The following ZEB1 variants were observed in gnomAD, a reference collection of about 807,000 sequenced individuals.
ZEB1 encodes the protein zinc finger E-box binding homeobox 1.
In ZEB1, 21 loss-of-function variants were observed where a neutral mutation model predicts 84.9. That is an observed-to-expected ratio of 0.25 (90% confidence interval 0.18 to 0.36). ZEB1 has a LOEUF of 0.36. Ranked by LOEUF, ZEB1 falls within the 10% of genes least tolerant of loss-of-function variation. ZEB1 has a pLI of 1.00. For synonymous variants in ZEB1, 420 were observed against 471.1 expected (o/e 0.89, Z 1.41); for missense variants, 1,104 against 1,330.2 (o/e 0.83, Z 2.65).
intron 1 of ZEB1, among the ~76,000 whole-genome samples, chr10:31,334,413 T>C (rs770068274): frequency 2.0e-5 from 3 of 152,232 alleles, no homozygotes; most frequent in Non-Finnish European, 2.9e-5. Context: ...AAGAAAAACT[T>C]GTAATGATAG....
At chr10:31,356,882 C>T (rs973880806) in intron 1 of ZEB1, among the ~76,000 whole-genome samples, 1 of 152,032 alleles carries the variant, frequency 6.6e-6, no homozygotes, top group African/African-American at 2.4e-5. Context: ...CTGATTGTTA[C>T]CCAATATTTC....
intron 1 of ZEB1, among the ~76,000 whole-genome samples, chr10:31,415,957 T>C (rs1435728359): frequency 1.3e-5 from 2 of 152,114 alleles, no homozygotes; most frequent in Non-Finnish European, 2.9e-5. Flanking sequence ...GATATCTAAT[T>C]GTTAATTGAG....
At chr10:31,386,685 A>C (rs2048695093) in intron 1 of ZEB1, among the ~76,000 whole-genome samples, 1 of 152,198 alleles carries the variant, frequency 6.6e-6, no homozygotes, top group African/African-American at 2.4e-5. Context: ...ATTTAACAGA[A>C]TTCAAAGGGC....
At chr10:31,381,245 C>A (rs2047573266) in intron 1 of ZEB1, among the ~76,000 whole-genome samples, 1 of 152,136 alleles carries the variant, frequency 6.6e-6, no homozygotes, top group South Asian at 2.1e-4. Context: ...CTAGAAAAAT[C>A]TACAGCAATC....
intron 1 of ZEB1, among the ~76,000 whole-genome samples, chr10:31,414,965 G>A (rs890677585): frequency 6.6e-5 from 10 of 152,096 alleles, no homozygotes; most frequent in African/African-American, 2.4e-4. Flanking sequence ...AACATGAAGG[G>A]ATCAGACTCA....
In ZEB1 at chr10:31,520,130, G is replaced by A. The variant is rs746581968; in HGVS notation, c.798G>A (p.Glu266=). 4.3e-6 allele frequency: 7 copies of A among 1,613,422 alleles called. No homozygotes were observed. Among genetic ancestry groups the A allele is most frequent in the Non-Finnish European group, 5.1e-6 (6 of 1,179,764 alleles). The change falls in exon 7 of 9, where the codon GAG becomes GAA. Residue 266 remains glutamate, a synonymous_variant. Transcript: ENST00000424869. This position sits in a 1 kb window ranked among gnomAD's most constrained non-coding sequence, Gnocchi z 5.1. ...LKEHLRIHSG[E]KPYECPNCKK... is the part of the protein sequence containing the mutation. ...TTTGTTTGTTTGTTTGTTTAGGAGA[G>A]AAGCCATATGAATGCCCAAACTGCA...
chr10:31,326,691 C>T (rs796696637), intron 1 of ZEB1, among the ~76,000 whole-genome samples: 25 of 152,224 alleles, frequency 1.6e-4, no homozygotes, highest in African/African-American at 5.3e-4. Flanking sequence ...TTATCTAAGA[C>T]GGTAACAAGC....
chr10:31,379,536 A>G (rs137916588), intron 1 of ZEB1, among the ~76,000 whole-genome samples: 1 of 152,072 alleles, frequency 6.6e-6, no homozygotes, highest in African/African-American at 2.4e-5. Context: ...TTTTAAAATA[A>G]ATCTTTTAAA....
At chr10:31,446,270 T>C (rs1255059492) in intron 1 of ZEB1, among the ~76,000 whole-genome samples, 3 of 152,200 alleles carry the variant, frequency 2.0e-5, no homozygotes, top group Admixed American at 6.5e-5. Flanking sequence ...ATATCCCCTT[T>C]ATCATTTTTT....
chr10:31,368,440 A>T lies in ZEB1; in HGVS notation c.58+49148A>T, dbSNP rs1310856714. ...TCAAAGTGTTGGGATTACAGGCATA[A>T]GCCACTGCACCCACCCATCCTCTTG... On this transcript the variant is annotated intron_variant, in intron 1 of 8. Transcript: ENST00000424869. Among the ~76,000 whole-genome samples, 4 of 152,328 alleles carry T rather than the reference A, an allele frequency of 2.6e-5. 1 individual carries two copies. Among genetic ancestry groups the T allele is most frequent in the Admixed American group, 2.0e-4 (3 of 15,298 alleles).
At chr10:31,404,247 G>T (rs2052570272) in intron 1 of ZEB1, among the ~76,000 whole-genome samples, 2 of 150,528 alleles carry the variant, frequency 1.3e-5, no homozygotes, top group South Asian at 4.3e-4. Context: ...TAAAGTCTGT[G>T]CTCTATTACA....
intron 1 of ZEB1, among the ~76,000 whole-genome samples, chr10:31,427,516 T>C (rs1164422846): frequency 6.6e-6 from 1 of 152,084 alleles, no homozygotes; most frequent in East Asian, 1.9e-4. Flanking sequence ...TTCCTCCCTT[T>C]CCTCTGTCTG....
At chr10:31,448,921 T>C in intron 1 of ZEB1, among the ~76,000 whole-genome samples, 1 of 152,224 alleles carries the variant, frequency 6.6e-6, no homozygotes, top group Non-Finnish European at 1.5e-5. Context: ...CAGGCCTCCT[T>C]GAGCTGTGGT....
At chr10:31,455,190 T>C (rs990142897) in intron 1 of ZEB1, among the ~76,000 whole-genome samples, 2 of 152,182 alleles carry the variant, frequency 1.3e-5, no homozygotes, top group Non-Finnish European at 2.9e-5. Context: ...TAAATGGTGT[T>C]GGGAAAACTG....
At chr10:31,369,873 C>T (rs2045383782) in intron 1 of ZEB1, among the ~76,000 whole-genome samples, 1 of 152,140 alleles carries the variant, frequency 6.6e-6, no homozygotes. Flanking sequence ...CAACATTTAC[C>T]TTTCATCTTT....
chr10:31,364,739 C>T (rs1488970084), intron 1 of ZEB1, among the ~76,000 whole-genome samples: 1 of 152,200 alleles, frequency 6.6e-6, no homozygotes, highest in Admixed American at 6.5e-5. Flanking sequence ...GGTCATGGCC[C>T]AGCCAGGCTT....
At chr10:31,474,931 A>C (rs2063858900) in intron 2 of ZEB1, among the ~76,000 whole-genome samples, 1 of 152,106 alleles carries the variant, frequency 6.6e-6, no homozygotes, top group Admixed American at 6.5e-5. Flanking sequence ...TGAAATTGGA[A>C]ATCATCATTC....
intron 5 of ZEB1, among the ~76,000 whole-genome samples, chr10:31,513,527 G>A (rs1475921788): frequency 2.0e-5 from 3 of 152,118 alleles, no homozygotes; most frequent in Admixed American, 6.6e-5. Context: ...CATATATTTG[G>A]TATTTTAAGT....
chr10:31,354,070 AGT>A (rs1377064470), intron 1 of ZEB1, among the ~76,000 whole-genome samples: 2 of 152,216 alleles, frequency 1.3e-5, no homozygotes, highest in Non-Finnish European at 2.9e-5. Context: ...AACAAATGAC[AGT>A]GTTATGAATT....
Sources: allele counts gnomAD v4.1 joint callset (sites outside exome capture counted in the v4.1 genomes callset), GRCh38; gene constraint gnomAD v4.1.1; non-coding constraint Gnocchi (gnomAD v3.1); transcripts MANE v1.5; gene names NCBI Gene and HGNC (gene_info 2026-07-23, HGNC 2026-07-21).